Variants in NRXN3 observed in about 807,000 individuals in gnomAD.
NRXN3 encodes neurexin 3, also known as neurexin III.
In NRXN3, 32 loss-of-function variants were observed where a neutral mutation model predicts 137.6. The ratio of observed to expected loss-of-function variants is 0.23; its 90% CI spans 0.18 to 0.31. The LOEUF is 0.31. Among genes scored for constraint, NRXN3 ranks in the 10% least tolerant of loss-of-function variants. The pLI, the probability that NRXN3 is intolerant of heterozygous loss-of-function variation, is 1.00. For synonymous variants in NRXN3, 798 were observed against 784.5 expected, an observed-to-expected ratio of 1.02 and a Z score of -0.29; for missense variants, 1,574 against 2,062.5, an observed-to-expected ratio of 0.76 and a Z score of 4.59.
At chr14:79,726,516 T>C (rs1349290029) in intron 19 of NRXN3, among the ~76,000 whole-genome samples, 2 of 152,148 alleles carry the variant, frequency 1.3e-5, no homozygotes, top group South Asian at 2.1e-4. Context: ...ACAAAGCACA[T>C]AGCGGTGCTC....
intron 6 of NRXN3, among the ~76,000 whole-genome samples, chr14:78,651,594 A>G (rs1009891183): frequency 6.6e-6 from 1 of 152,190 alleles, no homozygotes; most frequent in African/African-American, 2.4e-5. Context: ...ATTTATAAAG[A>G]AAAGAGGTTT....
At chr14:78,792,222 T>G (rs1055413397) in intron 8 of NRXN3, among the ~76,000 whole-genome samples, 2 of 23,066 alleles carry the variant, frequency 8.7e-5, no homozygotes, top group African/African-American at 1.6e-4. Context: ...AAAAACAAAT[T>G]ATCTGAAAGG....
intron 4 of NRXN3, among the ~76,000 whole-genome samples, chr14:78,560,875 G>A (rs2096780028): frequency 6.6e-6 from 1 of 152,148 alleles, no homozygotes; most frequent in African/African-American, 2.4e-5. Flanking sequence ...ATTGCTTTTA[G>A]GTTTCAGGTC....
At chr14:78,556,984 T>C (rs2096744514) in intron 4 of NRXN3, among the ~76,000 whole-genome samples, 1 of 98,558 alleles carries the variant, frequency 1.0e-5, no homozygotes, top group Non-Finnish European at 2.0e-5. Flanking sequence ...CTCCCTTCCC[T>C]TCTCCCTTCC....
chr14:79,295,503 G>A (rs2083922476), intron 15 of NRXN3, among the ~76,000 whole-genome samples: 1 of 152,120 alleles, frequency 6.6e-6, no homozygotes, highest in Non-Finnish European at 1.5e-5. Flanking sequence ...CCTTATGTGT[G>A]TATTGCTTCC....
chr14:79,413,998 TG>T (rs1351432029), intron 15 of NRXN3, among the ~76,000 whole-genome samples: 1 of 151,950 alleles, frequency 6.6e-6, no homozygotes, highest in Non-Finnish European at 1.5e-5. Flanking sequence ...TTCTCTGCTC[TG>T]ATATTAACAT....
At chr14:78,324,677 A>G (rs1033891918) in intron 4 of NRXN3, among the ~76,000 whole-genome samples, 1 of 152,122 alleles carries the variant, frequency 6.6e-6, no homozygotes, top group Non-Finnish European at 1.5e-5. Flanking sequence ...TCACAGTTCT[A>G]GAAGGTGAGA....
intron 15 of NRXN3, among the ~76,000 whole-genome samples, chr14:79,304,555 A>C (rs1280289932): frequency 6.6e-6 from 1 of 152,118 alleles, no homozygotes. Flanking sequence ...TTATAAAGAG[A>C]ATGCAGACCT....
intron 20 of NRXN3, among the ~76,000 whole-genome samples, chr14:79,848,709 C>T (rs528480209): frequency 6.6e-6 from 1 of 152,278 alleles, no homozygotes; most frequent in African/African-American, 2.4e-5. Flanking sequence ...ATTTCTCCAG[C>T]CCTGGCCCCT....
chr14:79,306,932 G>A (rs1272355067), intron 15 of NRXN3, among the ~76,000 whole-genome samples: 1 of 152,032 alleles, frequency 6.6e-6, no homozygotes, highest in Non-Finnish European at 1.5e-5. Flanking sequence ...TCTCCAGATA[G>A]GGTGAACCTT....
At chr14:78,748,871 C>G (rs1005918943) in intron 8 of NRXN3, among the ~76,000 whole-genome samples, 1 of 152,168 alleles carries the variant, frequency 6.6e-6, no homozygotes, top group African/African-American at 2.4e-5. Flanking sequence ...CACCTTCACC[C>G]AAAGCAATCA....
chr14:78,968,412 C>T (rs1199657377), intron 14 of NRXN3, 66 bp downstream of exon 14: 7 of 1,456,308 alleles, frequency 4.8e-6, no homozygotes, highest in Middle Eastern at 4.0e-4. Flanking sequence ...TTTGCTGCCT[C>T]TGCCACTGCC....
intron 20 of NRXN3, among the ~76,000 whole-genome samples, chr14:79,835,424 CG>C (rs1274857432): frequency 1.3e-5 from 2 of 152,112 alleles, no homozygotes; most frequent in African/African-American, 4.8e-5. Flanking sequence ...TGTACCATAA[CG>C]CTTTTCCTTT....
At chr14:79,168,261 A>G (rs2153085362) in intron 15 of NRXN3, among the ~76,000 whole-genome samples, 1 of 152,200 alleles carries the variant, frequency 6.6e-6, no homozygotes, top group African/African-American at 2.4e-5. Flanking sequence ...TTCTAGTACT[A>G]CAAAATGGCT....
chr14:78,598,328 C>T (rs1169115821), intron 4 of NRXN3, among the ~76,000 whole-genome samples: 1 of 151,644 alleles, frequency 6.6e-6, no homozygotes, highest in Admixed American at 6.6e-5. Context: ...GCCAAGGGGG[C>T]TCGGGATTCT....
intron 15 of NRXN3, among the ~76,000 whole-genome samples, chr14:79,025,362 G>A (rs2099596332): frequency 6.6e-6 from 1 of 152,072 alleles, no homozygotes; most frequent in South Asian, 2.1e-4. Flanking sequence ...TAATCATCAG[G>A]CTCTGAACAC....
At chr14:78,528,594 G>C (rs534218487) in intron 4 of NRXN3, among the ~76,000 whole-genome samples, 2 of 152,240 alleles carry the variant, frequency 1.3e-5, no homozygotes, top group African/African-American at 4.8e-5. Flanking sequence ...TTAGTACCTA[G>C]ATTGAGATTT....
At chr14:78,411,648 A>T (rs577447089) in intron 4 of NRXN3, among the ~76,000 whole-genome samples, 97 of 152,348 alleles carry the variant, frequency 6.4e-4, no homozygotes, top group Non-Finnish European at 1.1e-3. Flanking sequence ...CTGGAAGGGT[A>T]TAGGCCCAGA....
At chr14:79,739,979 G>A (rs2098955432) in intron 19 of NRXN3, among the ~76,000 whole-genome samples, 1 of 151,996 alleles carries the variant, frequency 6.6e-6, no homozygotes, top group African/African-American at 2.4e-5. Context: ...CCAATTTCCA[G>A]CTGCCCTCTG....
Sources: gnomAD v4.1 joint callset for allele counts (sites outside exome capture counted in the v4.1 genomes callset) on GRCh38, gnomAD v4.1.1 for gene constraint, MANE v1.5 for transcripts, NCBI Gene and HGNC (gene_info 2026-07-23, HGNC 2026-07-21) for gene names.